The following DCC variants were observed in gnomAD, a reference collection of about 807,000 sequenced individuals.
DCC encodes DCC netrin 1 receptor.
DCC carries 58 observed loss-of-function variants against 172.5 expected under a neutral mutation model. The ratio of observed to expected loss-of-function variants is 0.34; its 90% confidence interval spans 0.27 to 0.42. The LOEUF is 0.42. DCC is among the 10% of genes least tolerant of loss of function. The pLI, the probability that DCC is intolerant of heterozygous loss-of-function variation, is 1.00. For synonymous variants in DCC, 709 were observed against 644.5 expected, an observed-to-expected ratio of 1.10 and a Z score of -1.52; for missense variants, 1,740 against 1,791.0, an observed-to-expected ratio of 0.97 and a Z score of 0.51.
At chr18:52,995,899 CCTG>C (rs2041469962) in intron 5 of DCC, among the ~76,000 whole-genome samples, 1 of 151,728 alleles carries the variant, frequency 6.6e-6, no homozygotes. Flanking sequence ...GTTTCTGTCT[CCTG>C]CTTTTTTTTT....
At chr18:52,705,347 A>G (rs2036188626) in intron 1 of DCC, among the ~76,000 whole-genome samples, 1 of 152,168 alleles carries the variant, frequency 6.6e-6, no homozygotes, top group South Asian at 2.1e-4. Flanking sequence ...TGGCTACAGG[A>G]GTCTTAGAAA....
intron 1 of DCC, among the ~76,000 whole-genome samples, chr18:52,586,825 C>T (rs920563002): frequency 1.3e-5 from 2 of 152,138 alleles, no homozygotes; most frequent in African/African-American, 4.8e-5. Flanking sequence ...GTAATTGTGA[C>T]TTCAAAAGGC....
At chr18:52,494,797 C>G (rs1233645057) in intron 1 of DCC, among the ~76,000 whole-genome samples, 3 of 151,952 alleles carry the variant, frequency 2.0e-5, no homozygotes, top group Non-Finnish European at 4.4e-5. Context: ...CACTGTGGAT[C>G]TATTTGTGTT....
chr18:52,493,677 G>T (rs1039752612), intron 1 of DCC, among the ~76,000 whole-genome samples: 1 of 151,698 alleles, frequency 6.6e-6, no homozygotes, highest in African/African-American at 2.4e-5. Context: ...TTATAACTTC[G>T]AGTTTTCTCC....
chr18:53,359,740 C>T (rs1404313164), intron 15 of DCC, among the ~76,000 whole-genome samples: 1 of 152,140 alleles, frequency 6.6e-6, no homozygotes, highest in Non-Finnish European at 1.5e-5. Context: ...TGCCCTACCT[C>T]TTGGTCTCTT....
At chr18:52,669,576 C>T (rs953415562) in intron 1 of DCC, among the ~76,000 whole-genome samples, 2 of 152,178 alleles carry the variant, frequency 1.3e-5, no homozygotes, top group East Asian at 1.9e-4. Context: ...TTTGCAAAGG[C>T]GGTTTCAATG....
chr18:53,205,279 T>C lies in DCC; in HGVS notation c.1637T>C (p.Ile546Thr), dbSNP rs139381485. 8.0e-5 allele frequency: 129 copies of C among 1,613,694 alleles called. No individual in the cohort carries two copies. The highest frequency in any genetic ancestry group is 1.1e-4 in the Non-Finnish European group (125 of 1,179,726). ...TCTACCTCACCTACCTCAATTCTTA[T>C]TACCTGGGAACCCCCTGCCTATGCA... is the stretch of plus-strand genomic sequence containing the variant. Reference protein sequence around the residue: ...AVSTSPTSILITWEPPAYANG... With the variant: ...AVSTSPTSILTTWEPPAYANG... The change falls in exon 10 of 29, where the codon ATT becomes ACT. Residue 546 changes from isoleucine to threonine, a missense_variant. Coordinates refer to ENST00000442544, the MANE Select transcript of DCC (RefSeq NM_005215.4).
intron 18 of DCC, among the ~76,000 whole-genome samples, chr18:53,401,115 T>C (rs572134620): frequency 1.3e-5 from 2 of 152,340 alleles, no homozygotes; most frequent in East Asian, 3.9e-4. Context: ...ATTGTCTTTT[T>C]AGTATTTTGC....
intron 15 of DCC, among the ~76,000 whole-genome samples, chr18:53,360,513 C>G (rs139869299): frequency 8.1e-4 from 123 of 152,208 alleles, no homozygotes; most frequent in African/African-American, 2.8e-3. Context: ...TTTCCCTAAA[C>G]TAGGCATTTA....
At chr18:53,296,088 T>G (rs987446723) in intron 12 of DCC, among the ~76,000 whole-genome samples, 1 of 152,196 alleles carries the variant, frequency 6.6e-6, no homozygotes, top group Non-Finnish European at 1.5e-5. Context: ...CTCTCAGTGC[T>G]CCTTTCAGTT....
chr18:53,338,371 A>G (rs916891969), intron 14 of DCC, among the ~76,000 whole-genome samples: 1 of 152,208 alleles, frequency 6.6e-6, no homozygotes, highest in Non-Finnish European at 1.5e-5. Flanking sequence ...TGGGAGGCCA[A>G]GGCAGGTGGA....
intron 1 of DCC, among the ~76,000 whole-genome samples, chr18:52,514,501 G>T (rs1332376753): frequency 6.6e-6 from 1 of 152,162 alleles, no homozygotes; most frequent in Non-Finnish European, 1.5e-5. Context: ...TATCCCCTAT[G>T]GGGAATAAAA....
chr18:53,283,501 A>G (rs1004606184), intron 12 of DCC, among the ~76,000 whole-genome samples: 3 of 152,130 alleles, frequency 2.0e-5, no homozygotes, highest in African/African-American at 7.2e-5. Context: ...ATAATATTTC[A>G]ATGTAATTTG....
intron 1 of DCC, among the ~76,000 whole-genome samples, chr18:52,424,195 C>T (rs1417161410): frequency 6.6e-6 from 1 of 152,142 alleles, no homozygotes; most frequent in Non-Finnish European, 1.5e-5. Flanking sequence ...TTAAAACCTA[C>T]CATGTATTAG....
intron 1 of DCC, among the ~76,000 whole-genome samples, chr18:52,636,276 G>A (rs1310366815): frequency 6.6e-6 from 1 of 152,096 alleles, no homozygotes; most frequent in African/African-American, 2.4e-5. Flanking sequence ...AAACTACACG[G>A]GGAGAAGCAA....
intron 7 of DCC, among the ~76,000 whole-genome samples, chr18:53,129,994 C>T (rs2043626794): frequency 6.6e-6 from 1 of 152,066 alleles, no homozygotes; most frequent in South Asian, 2.1e-4. Flanking sequence ...GCCTATTCAT[C>T]TTCATCAATA....
At position 53,149,357 on chromosome 18, in the gene DCC, C is replaced by T. The variant is rs566106188; in HGVS notation, c.1262-7999C>T. On this transcript the variant is annotated intron_variant, in intron 7 of 28. Coordinates refer to ENST00000442544, the MANE Select transcript of DCC (RefSeq NM_005215.4). ...CACTTCTCATTATCACTTAACAACTCTGTACACTAAATATTTTGTATCCAC... is the reference window on the plus strand; with the variant it reads ...CACTTCTCATTATCACTTAACAACTTTGTACACTAAATATTTTGTATCCAC... Among the ~76,000 whole-genome samples, 217 of 152,328 alleles carry T rather than the reference C, an allele frequency of 1.4e-3. 1 individual carries two copies. Among genetic ancestry groups the T allele is most frequent in the African/African-American group, 4.9e-3 (204 of 41,580 alleles).
chr18:52,816,159 T>C, intron 2 of DCC, among the ~76,000 whole-genome samples: 1 of 152,210 alleles, frequency 6.6e-6, no homozygotes. Flanking sequence ...ATCAGTAACT[T>C]GGTCACACTC....
intron 5 of DCC, among the ~76,000 whole-genome samples, chr18:53,032,685 C>G (rs2042041902): frequency 6.6e-6 from 1 of 151,960 alleles, no homozygotes; most frequent in Non-Finnish European, 1.5e-5. Flanking sequence ...ACGTGGTAAC[C>G]CCTTGGAGAT....
Sources: gnomAD v4.1 joint callset for allele counts (sites outside exome capture counted in the v4.1 genomes callset) on GRCh38, gnomAD v4.1.1 for gene constraint, MANE v1.5 for transcripts, NCBI Gene and HGNC (gene_info 2026-07-23, HGNC 2026-07-21) for gene names.